Variants in MDGA2 observed in about 807,000 individuals in gnomAD.
MDGA2 encodes MAM domain containing glycosylphosphatidylinositol anchor 2.
MDGA2 carries 40 observed loss-of-function variants against 117.8 expected under a neutral mutation model. The observed-to-expected ratio is 0.34, with a 90% CI of 0.26 to 0.44. The LOEUF is 0.44. Among genes scored for constraint, MDGA2 ranks in the 20% least tolerant of loss-of-function variants. The pLI, the probability that MDGA2 is intolerant of heterozygous loss-of-function variation, is 1.00. For synonymous variants in MDGA2, 452 were observed against 439.0 expected (o/e 1.03, Z -0.37); for missense variants, 1,123 against 1,250.6 (o/e 0.90, Z 1.54).
chr14:47,167,704 A>G (rs1456846703), intron 3 of MDGA2, among the ~76,000 whole-genome samples: 1 of 152,152 alleles, frequency 6.6e-6, no homozygotes, highest in African/African-American at 2.4e-5. Context: ...GAGTTATCGG[A>G]AATATTCAGG....
chr14:47,469,715 T>A (rs1460502289), intron 1 of MDGA2, among the ~76,000 whole-genome samples: 1 of 152,154 alleles, frequency 6.6e-6, no homozygotes, highest in Non-Finnish European at 1.5e-5. Flanking sequence ...TCAAGATCCC[T>A]GAGGAATCGC....
chr14:47,295,534 A>AT (rs11383271), intron 2 of MDGA2, among the ~76,000 whole-genome samples: 42,276 of 152,048 alleles, frequency 0.28, 6,677 homozygotes, highest in Admixed American at 0.47. Context: ...CATAGGGTAG[A>AT]TAAAAAATGT....
At chr14:47,446,290 G>A (rs939178238) in intron 1 of MDGA2, among the ~76,000 whole-genome samples, 1 of 152,098 alleles carries the variant, frequency 6.6e-6, no homozygotes, top group Non-Finnish European at 1.5e-5. Flanking sequence ...TTCATACATT[G>A]GGAATTATAT....
chr14:46,956,322 A>C (rs1885560194), intron 9 of MDGA2, among the ~76,000 whole-genome samples: 1 of 152,028 alleles, frequency 6.6e-6, no homozygotes, highest in Non-Finnish European at 1.5e-5. Context: ...ATGCATTCCT[A>C]ATTTGTCACT....
intron 8 of MDGA2, among the ~76,000 whole-genome samples, chr14:47,000,385 ATATATTTATATATAAATATATATT>A (rs1355279031): frequency 5.5e-5 from 3 of 54,716 alleles, no homozygotes; most frequent in Non-Finnish European, 1.1e-4. Flanking sequence ...ATTTATATAT[ATATATTTATATATAAATATATATT>A]TATATATATA....
At chr14:47,119,556 T>G (rs1175559891) in intron 5 of MDGA2, among the ~76,000 whole-genome samples, 1 of 152,178 alleles carries the variant, frequency 6.6e-6, no homozygotes, top group Admixed American at 6.5e-5. Context: ...TATGTGGCTA[T>G]CACATCAGAT....
intron 1 of MDGA2, among the ~76,000 whole-genome samples, chr14:47,401,187 C>T (rs912988285): frequency 6.6e-6 from 1 of 151,948 alleles, no homozygotes; most frequent in African/African-American, 2.4e-5. Context: ...CACAATTGCT[C>T]ATTATTTTTA....
At chr14:47,165,261 A>G (rs896760682) in intron 3 of MDGA2, among the ~76,000 whole-genome samples, 2 of 145,306 alleles carry the variant, frequency 1.4e-5, no homozygotes, top group Admixed American at 6.7e-5. Context: ...AAAAAAATAC[A>G]AAAAAAGAAC....
intron 1 of MDGA2, among the ~76,000 whole-genome samples, chr14:47,478,529 C>T (rs959208036): frequency 6.6e-6 from 1 of 152,058 alleles, no homozygotes; most frequent in African/African-American, 2.4e-5. Context: ...TGCCCGATAC[C>T]ATGACTGGCT....
chr14:46,846,087 GCT>G (rs1403251064), intron 15 of MDGA2, among the ~76,000 whole-genome samples: 1 of 151,856 alleles, frequency 6.6e-6, no homozygotes, highest in African/African-American at 2.4e-5. Flanking sequence ...CACATCAAAA[GCT>G]CTGTGTCGAT....
chr14:47,515,489 G>A lies in MDGA2; in HGVS notation c.280+159028C>T, dbSNP rs549972995. On this transcript the variant is annotated intron_variant, in intron 1 of 16. Coordinates refer to ENST00000399232, the MANE Select transcript of MDGA2 (RefSeq NM_001113498.3). ...TGGGGCATTGCTTCCTGATTCTTCCGGAATCTTCACACACTGAAAATAGAA... is the reference window on the plus strand; with the variant it reads ...TGGGGCATTGCTTCCTGATTCTTCCAGAATCTTCACACACTGAAAATAGAA... Among the ~76,000 whole-genome samples, 8 of 152,140 alleles carry A rather than the reference G, an allele frequency of 5.3e-5. No individual in the cohort carries two copies. The East Asian group carries it at 7.7e-4, about 15-fold the overall frequency.
At chr14:47,507,394 C>T (rs2138684580) in intron 1 of MDGA2, among the ~76,000 whole-genome samples, 1 of 152,214 alleles carries the variant, frequency 6.6e-6, no homozygotes, top group Admixed American at 6.5e-5. Flanking sequence ...ACTGACACAT[C>T]AGTTTAGAAA....
chr14:46,898,744 A>G (rs576876822), intron 10 of MDGA2, among the ~76,000 whole-genome samples: 85 of 152,236 alleles, frequency 5.6e-4, no homozygotes, highest in African/African-American at 2.0e-3. Flanking sequence ...CAAGACTACA[A>G]GACTGGATAG....
In MDGA2 at chr14:46,922,377, T is replaced by A. The variant is rs182512318; in HGVS notation, c.2090-2217A>T. Among the ~76,000 whole-genome samples, 324 of 152,284 alleles carry A rather than the reference T, an allele frequency of 2.1e-3. 4 individuals are homozygous for A. Among genetic ancestry groups the A allele is most frequent in the South Asian group, 8.9e-3 (43 of 4,824 alleles). On this transcript the variant is annotated intron_variant, in intron 9 of 16. Transcript: ENST00000399232. The stretch of plus-strand genomic sequence containing the variant: ...GCTGCCCACAAGATGGTCATTTAAA[T>A]TAACTTTCAGTCCCGAAACTGAACT...
rs959869542 is a variant in MDGA2 at position 47,462,389 on chromosome 14, A to AAG, written c.281-160840_281-160839insCT. Among the ~76,000 whole-genome samples the AAG allele has an allele frequency of 1.3e-4, 20 of 151,642 alleles. No individual in the cohort carries two copies. The South Asian group carries it at 2.1e-3, about 16-fold the overall frequency. ...AGACTCCGTCCCAAAAAAAAAAAAA[A>AAG]AAAGAAAGAAAAAAAAGGTGTTCTC... is the stretch of plus-strand genomic sequence containing the variant. On this transcript the variant is annotated intron_variant, in intron 1 of 16. Transcript: ENST00000399232.
intron 2 of MDGA2, among the ~76,000 whole-genome samples, chr14:47,225,730 T>C (rs559106845): frequency 6.6e-6 from 1 of 151,998 alleles, no homozygotes; most frequent in African/African-American, 2.4e-5. Context: ...AGTTAATGGG[T>C]GCAGCGCACC....
chr14:47,625,171 A>G (rs1022901420), intron 1 of MDGA2, among the ~76,000 whole-genome samples: 3 of 152,168 alleles, frequency 2.0e-5, no homozygotes, highest in African/African-American at 7.2e-5. Context: ...TGTTTCTGTG[A>G]CAAGTTTTTA....
intron 10 of MDGA2, among the ~76,000 whole-genome samples, chr14:46,889,417 G>A (rs2138413042): frequency 6.6e-6 from 1 of 152,054 alleles, no homozygotes; most frequent in East Asian, 1.9e-4. Flanking sequence ...TTGGAATCTT[G>A]TATTATTTTT....
At chr14:46,854,979 T>A in intron 15 of MDGA2, 45 bp downstream of exon 15, 1 of 1,493,234 alleles carries the variant, frequency 6.7e-7, no homozygotes, top group South Asian at 1.3e-5. Context: ...CCTTTAATAT[T>A]ATGCTCATTT....
Sources: allele counts gnomAD v4.1 joint callset (sites outside exome capture counted in the v4.1 genomes callset), GRCh38; gene constraint gnomAD v4.1.1; transcripts MANE v1.5; gene names NCBI Gene and HGNC (gene_info 2026-07-23, HGNC 2026-07-21).